CWF19L2: variants seen among roughly 807,000 people sequenced by gnomAD.
CWF19L2 encodes the protein CWF19 like cell cycle control factor 2, also known as CWF19-like protein 2.
CWF19L2 carries 98 observed loss-of-function variants against 111.7 expected under a neutral mutation model. The observed-to-expected ratio is 0.88, with a 90% CI of 0.75 to 1.04. The LOEUF is 1.04. Ranked by LOEUF, CWF19L2 falls within the 50% of genes least tolerant of loss-of-function variation. The pLI is 0.00. For missense variants in CWF19L2, 1,101 were observed against 1,051.4 expected (o/e 1.05, Z -0.65); for synonymous variants, 351 against 342.9 (o/e 1.02, Z -0.26).
chr11:107,441,024 C>T (rs1430132396), intron 5 of CWF19L2, among the ~76,000 whole-genome samples: 3 of 152,168 alleles, frequency 2.0e-5, no homozygotes, highest in African/African-American at 7.2e-5. Context: ...AGCTTCAGCA[C>T]TTCCTTACTT....
In CWF19L2 at chr11:107,326,391, G is replaced by A. The variant is rs1404711918; in HGVS notation, c.*519C>T. ...GTATCATTTAATTCTTTAATACTTT[G>A]GGGACATTTCCTTTTCCTTTAACAA... On this transcript the variant is annotated 3_prime_UTR_variant, in exon 18 of 18. Coordinates refer to ENST00000282251, the MANE Select transcript of CWF19L2 (RefSeq NM_152434.3). The A allele has an allele frequency of 6.6e-6, 1 of 152,098 alleles. No individual in the cohort carries two copies. Among genetic ancestry groups the A allele is most frequent in the African/African-American group, 2.4e-5 (1 of 41,410 alleles). The allele number at this position is 152,098 out of a possible 1,614,324, so 9.4% of individuals were successfully genotyped here.
chr11:107,418,316 A>G, intron 8 of CWF19L2, 29 bp from the exon 9 acceptor site: 1 of 1,424,470 alleles, frequency 7.0e-7, no homozygotes, highest in Non-Finnish European at 9.9e-7. Context: ...TTAACAGCAT[A>G]TGAAATATAG....
intron 10 of CWF19L2, among the ~76,000 whole-genome samples, chr11:107,412,939 A>C (rs186484247): frequency 6.6e-6 from 1 of 152,332 alleles, no homozygotes; most frequent in Admixed American, 6.5e-5. Context: ...AACTATGGAG[A>C]CTAAAAAGAT....
chr11:107,435,610 C>T (rs930431922), intron 6 of CWF19L2, among the ~76,000 whole-genome samples: 5 of 151,964 alleles, frequency 3.3e-5, no homozygotes, highest in African/African-American at 1.2e-4. Flanking sequence ...TAAATCCATA[C>T]AATTTTAGAA....
chr11:107,428,692 G>T, intron 8 of CWF19L2, 107 bp downstream of exon 8: 1 of 880,896 alleles, frequency 1.1e-6, no homozygotes. Context: ...TCAATTTTAA[G>T]AAATGTGAGA....
At chr11:107,433,398 AT>A (rs1021000693) in intron 7 of CWF19L2, among the ~76,000 whole-genome samples, 143 of 151,972 alleles carry the variant, frequency 9.4e-4, no homozygotes, top group African/African-American at 3.3e-3. Context: ...CAATAAGAAA[AT>A]TTTTTTTACA....
intron 12 of CWF19L2, among the ~76,000 whole-genome samples, chr11:107,388,066 G>T (rs1346641250): frequency 1.3e-5 from 2 of 151,934 alleles, no homozygotes; most frequent in Non-Finnish European, 2.9e-5. Context: ...TCTTCCCTCA[G>T]ATATTCACAA....
intron 10 of CWF19L2, among the ~76,000 whole-genome samples, chr11:107,408,717 T>C (rs1238028631): frequency 6.6e-6 from 1 of 151,916 alleles, no homozygotes; most frequent in African/African-American, 2.4e-5. Context: ...AATAGGTACA[T>C]CCATTGACCT....
intron 14 of CWF19L2, among the ~76,000 whole-genome samples, chr11:107,339,001 C>A (rs920232480): frequency 6.6e-6 from 1 of 152,180 alleles, no homozygotes; most frequent in African/African-American, 2.4e-5. Flanking sequence ...CTGTTTTCCA[C>A]AATGGTTGAA....
At chr11:107,380,793 C>G (rs775927534) in intron 12 of CWF19L2, among the ~76,000 whole-genome samples, 1 of 152,136 alleles carries the variant, frequency 6.6e-6, no homozygotes, top group Non-Finnish European at 1.5e-5. Context: ...ATTATTCACA[C>G]AGCCAAAAGA....
At chr11:107,379,485 AT>A (rs1377966604) in intron 12 of CWF19L2, among the ~76,000 whole-genome samples, 6 of 152,218 alleles carry the variant, frequency 3.9e-5, no homozygotes, top group African/African-American at 1.4e-4. Context: ...AGGGATTCTG[AT>A]TCTGATAACT....
chr11:107,410,880 T>G (rs2059975681), intron 10 of CWF19L2, among the ~76,000 whole-genome samples: 2 of 152,120 alleles, frequency 1.3e-5, no homozygotes, highest in African/African-American at 4.8e-5. Flanking sequence ...ATTAAACAAC[T>G]GCACAGAATA....
intron 10 of CWF19L2, among the ~76,000 whole-genome samples, chr11:107,396,618 T>C (rs940609528): frequency 2.0e-5 from 3 of 152,222 alleles, no homozygotes; most frequent in African/African-American, 7.2e-5. Flanking sequence ...CACAAGTGCA[T>C]ATCATTTTTA....
chr11:107,334,907 G>A lies in CWF19L2; in HGVS notation c.2413C>T (p.Leu805Phe), dbSNP rs747030695. ...EWSMNKKLIDLSSKDIRKSVP... is the reference protein window; with the variant it reads ...EWSMNKKLIDFSSKDIRKSVP... ...GACTTTCTGATATCTTTTGAAGAGA[G>A]ATCTATCAACTTCTTGTTCATGGAC... The change falls in exon 16 of 18, where the codon CTC (leucine) becomes TTC (phenylalanine). Residue 805 changes from leucine (L) to phenylalanine (F), a missense_variant. Transcript: ENST00000282251. 2 of 1,603,868 alleles carry A rather than the reference G, an allele frequency of 1.2e-6. No individual in the cohort carries two copies. Among genetic ancestry groups the A allele is most frequent in the South Asian group, 1.1e-5 (1 of 90,492 alleles).
chr11:107,395,116 GA>G (rs1860903624), intron 10 of CWF19L2, among the ~76,000 whole-genome samples: 1 of 152,192 alleles, frequency 6.6e-6, no homozygotes, highest in Non-Finnish European at 1.5e-5. Flanking sequence ...CGTGTTGTAG[GA>G]GGGACCCGGT....
chr11:107,378,525 C>A (rs974404403), intron 12 of CWF19L2, among the ~76,000 whole-genome samples: 2 of 152,068 alleles, frequency 1.3e-5, no homozygotes, highest in Non-Finnish European at 2.9e-5. Flanking sequence ...GAACAAAAAA[C>A]CAAACACCGC....
At position 107,442,735 on chromosome 11, in the gene CWF19L2, AAAGGAAGG is replaced by A. The variant is rs761215951; in HGVS notation, c.450+196_450+203del. Among the ~76,000 whole-genome samples, 713 of 72,678 alleles carry A rather than the reference AAAGGAAGG, an allele frequency of 9.8e-3. 13 individuals are homozygous for A. Among genetic ancestry groups the A allele is most frequent in the East Asian group, 0.021 (41 of 1,940 alleles). The allele number at this position is 72,678 out of a possible 152,430, so 47.7% of individuals were successfully genotyped here. On this transcript the variant is annotated intron_variant, in intron 4 of 17. Transcript: ENST00000282251. ...GAGAGAGAGAGAAAGAGAAAGAAAG[AAAGGAAGG>A]AAGGAAGGAAGGAAGGAAGGAAGGA...
At chr11:107,350,840 A>G (rs1860146823) in intron 13 of CWF19L2, among the ~76,000 whole-genome samples, 1 of 152,112 alleles carries the variant, frequency 6.6e-6, no homozygotes, top group African/African-American at 2.4e-5. Flanking sequence ...AGATATGTGA[A>G]GGAAGGAAGG....
At chr11:107,399,054 G>A (rs1008574053) in intron 10 of CWF19L2, among the ~76,000 whole-genome samples, 1 of 152,122 alleles carries the variant, frequency 6.6e-6, no homozygotes, top group Non-Finnish European at 1.5e-5. Context: ...TTGCTAAAAG[G>A]AGCTCTAAAT....
Sources: gnomAD v4.1 joint callset for allele counts (sites outside exome capture counted in the v4.1 genomes callset) on GRCh38, gnomAD v4.1.1 for gene constraint, MANE v1.5 for transcripts, NCBI Gene and HGNC (gene_info 2026-07-23, HGNC 2026-07-21) for gene names.